Variants in C21orf91 observed in about 807,000 individuals in gnomAD.
The protein encoded by C21orf91 is protein EURL homolog.
C21orf91 carries 26 observed loss-of-function variants against 32.9 expected under a neutral mutation model. The ratio of observed to expected loss-of-function variants is 0.79; its 90% CI spans 0.58 to 1.10. C21orf91 has a LOEUF of 1.10. C21orf91 is among the 50% of genes least tolerant of loss of function. C21orf91 has a pLI of 0.00. For missense variants in C21orf91, 310 were observed against 341.3 expected, an observed-to-expected ratio of 0.91 and a Z score of 0.72; for synonymous variants, 126 against 120.4, an observed-to-expected ratio of 1.05 and a Z score of -0.31.
At chr21:17,811,174 T>C (rs2062630220) in intron 2 of C21orf91, among the ~76,000 whole-genome samples, 1 of 152,190 alleles carries the variant, frequency 6.6e-6, no homozygotes, top group African/African-American at 2.4e-5. Context: ...ACCCTTGGTC[T>C]CTAACCTTTG....
At chr21:17,798,592 T>C (rs1343052063) in intron 2 of C21orf91, among the ~76,000 whole-genome samples, 1 of 152,224 alleles carries the variant, frequency 6.6e-6, no homozygotes, top group East Asian at 1.9e-4. Context: ...ATTTATCACT[T>C]TGCTCCTTGT....
intron 2 of C21orf91, among the ~76,000 whole-genome samples, chr21:17,808,142 C>G (rs2062610336): frequency 6.6e-6 from 1 of 152,226 alleles, no homozygotes; most frequent in Non-Finnish European, 1.5e-5. Context: ...GGCCTGGGCC[C>G]AGGGCCCTGC....
In C21orf91 at chr21:17,792,373, C is replaced by T. The variant is rs2062482098; in HGVS notation, c.*1042G>A. 6.6e-6 allele frequency: 1 copy of T among 152,076 alleles called. No individual in the cohort carries two copies. The highest frequency in any genetic ancestry group is 1.9e-4 in the East Asian group (1 of 5,186). 9.4% of individuals were successfully genotyped at this position (152,076 alleles called of 1,614,324 possible). A position where few individuals can be genotyped will look rare whatever the true frequency, so the allele number is the denominator to read the frequency against. On this transcript the variant is annotated 3_prime_UTR_variant, in exon 5 of 5. Coordinates refer to ENST00000284881, the MANE Select transcript of C21orf91 (RefSeq NM_001100420.2). ...GTCTAAAGTTTAGAAAAATACCTCA[C>T]AATGCTTTCTTTGAGCACTAAGTTC...
At chr21:17,816,842 G>A (rs2062667649) in intron 2 of C21orf91, among the ~76,000 whole-genome samples, 2 of 152,130 alleles carry the variant, frequency 1.3e-5, no homozygotes. Flanking sequence ...AATTTCTAAT[G>A]TCTTTACTCA....
intron 2 of C21orf91, among the ~76,000 whole-genome samples, chr21:17,812,918 C>T (rs1395775090): frequency 6.6e-6 from 1 of 152,176 alleles, no homozygotes; most frequent in East Asian, 1.9e-4. Context: ...AGCATGAAGA[C>T]CCTTGCCCAA....
intron 2 of C21orf91, among the ~76,000 whole-genome samples, chr21:17,807,221 G>A (rs753292730): frequency 2.6e-5 from 4 of 152,132 alleles, no homozygotes. Flanking sequence ...TGGATCATGG[G>A]AGCAAACTTC....
At chr21:17,811,590 G>GT (rs1019055841) in intron 2 of C21orf91, 2 of 152,074 alleles carry the variant, frequency 1.3e-5, no homozygotes, top group Non-Finnish European at 2.9e-5. Context: ...CAGTTTTCCA[G>GT]TAACAGTTAC....
intron 2 of C21orf91, 58 bp from the exon 3 acceptor site, chr21:17,797,176 T>G (rs2062526156): frequency 9.2e-7 from 1 of 1,090,584 alleles, no homozygotes. Flanking sequence ...ATAAGTCACT[T>G]TAAGAACATA....
In C21orf91 at chr21:17,790,114, T is replaced by C. The variant is rs1414620102; in HGVS notation, c.*3301A>G. 1.3e-5 allele frequency: 2 copies of C among 152,102 alleles called. No individual in the cohort carries two copies. Among genetic ancestry groups the C allele is most frequent in the Non-Finnish European group, 2.9e-5 (2 of 67,942 alleles). The allele number at this position is 152,102 out of a possible 1,614,324, so 9.4% of individuals were successfully genotyped here. On this transcript the variant is annotated 3_prime_UTR_variant, in exon 5 of 5. Transcript: ENST00000284881. ...ATTTTACATGGTACCATTTCAAATTTTCATGTACAAGTAACCCACTTTATG... is the reference window on the plus strand; with the variant it reads ...ATTTTACATGGTACCATTTCAAATTCTCATGTACAAGTAACCCACTTTATG...
Position 17,792,016 on chromosome 21 carries a change from A to C in C21orf91, c.*1399T>G, listed in dbSNP as rs2062478042. Reference sequence around the variant, plus strand: ...AAGCCAGGGTAGGCTGCCAAATTTAAGGCAAATGTCATTTATATCTTTATG... The same window carrying C: ...AAGCCAGGGTAGGCTGCCAAATTTACGGCAAATGTCATTTATATCTTTATG... On this transcript the variant is annotated 3_prime_UTR_variant, in exon 5 of 5. Transcript: ENST00000284881. 6.6e-6 allele frequency: 1 copy of C among 152,164 alleles called. No homozygotes were observed. The highest frequency in any genetic ancestry group is 6.5e-5 in the Admixed American group (1 of 15,276). 9.4% of individuals were successfully genotyped at this position (152,164 alleles called of 1,614,324 possible).
intron 2 of C21orf91, among the ~76,000 whole-genome samples, chr21:17,801,192 C>T (rs1405976349): frequency 6.6e-6 from 1 of 151,484 alleles, no homozygotes; most frequent in African/African-American, 2.4e-5. Flanking sequence ...AAATGTGGCA[C>T]ATATACACCA....
At chr21:17,810,080 GAAT>G (rs1401054708) in intron 2 of C21orf91, among the ~76,000 whole-genome samples, 7 of 152,240 alleles carry the variant, frequency 4.6e-5, no homozygotes, top group East Asian at 1.9e-4. Context: ...AATTGAATTA[GAAT>G]AATGTAAATT....
chr21:17,818,022 C>T (rs1364161329), intron 2 of C21orf91, 170 bp downstream of exon 2: 1 of 438,420 alleles, frequency 2.3e-6, no homozygotes, highest in African/African-American at 2.0e-5. Context: ...ATTCGTAACT[C>T]TGTTAACTGC....
chr21:17,803,142 G>A (rs2062573506), intron 2 of C21orf91, among the ~76,000 whole-genome samples: 1 of 152,140 alleles, frequency 6.6e-6, no homozygotes, highest in Non-Finnish European at 1.5e-5. Flanking sequence ...GTGTCCAGTT[G>A]TTAACATGCT....
intron 2 of C21orf91, among the ~76,000 whole-genome samples, chr21:17,815,152 G>A (rs1172071426): frequency 6.6e-6 from 1 of 152,024 alleles, no homozygotes; most frequent in Non-Finnish European, 1.5e-5. Flanking sequence ...TTAAACAAGA[G>A]GCTAATTGAT....
At chr21:17,796,119 A>G (rs1221651037) in intron 3 of C21orf91, among the ~76,000 whole-genome samples, 3 of 152,208 alleles carry the variant, frequency 2.0e-5, no homozygotes. Context: ...GTAGAAATAG[A>G]TGTAGAGAGA....
At chr21:17,796,281 C>T (rs2062517108) in intron 3 of C21orf91, among the ~76,000 whole-genome samples, 1 of 152,188 alleles carries the variant, frequency 6.6e-6, no homozygotes, top group Admixed American at 6.5e-5. Flanking sequence ...ACAGATGAAG[C>T]TGTACTTCTA....
At chr21:17,818,994 G>C (rs2062686831) in intron 1 of C21orf91, 1 of 152,280 alleles carries the variant, frequency 6.6e-6, no homozygotes, top group African/African-American at 2.4e-5. Context: ...CCGGCGGGCG[G>C]GAGAGCCTCG....
chr21:17,803,542 TG>T (rs2062576289), intron 2 of C21orf91, among the ~76,000 whole-genome samples: 1 of 152,160 alleles, frequency 6.6e-6, no homozygotes, highest in Non-Finnish European at 1.5e-5. Flanking sequence ...AAGTTTTTTA[TG>T]GAGGCTCACA....
Sources: gnomAD v4.1 joint callset for allele counts (sites outside exome capture counted in the v4.1 genomes callset) on GRCh38, gnomAD v4.1.1 for gene constraint, MANE v1.5 for transcripts, NCBI Gene and HGNC (gene_info 2026-07-23, HGNC 2026-07-21) for gene names.